DPP10: variants seen among roughly 807,000 people sequenced by gnomAD.
DPP10 encodes the protein inactive dipeptidyl peptidase 10.
A neutral mutation model predicts 120.9 loss-of-function variants in DPP10; 33 were observed. The ratio of observed to expected loss-of-function variants is 0.27; its 90% CI spans 0.21 to 0.37. The LOEUF (loss-of-function observed/expected upper bound fraction) is 0.37. Ranked by LOEUF, DPP10 falls within the 10% of genes least tolerant of loss-of-function variation. The pLI is 1.00. For missense variants in DPP10, 816 were observed against 942.8 expected (o/e 0.87, Z 1.76); for synonymous variants, 337 against 326.1 (o/e 1.03, Z -0.36).
At chr2:115,500,841 A>G (rs1371683412) in intron 4 of DPP10, among the ~76,000 whole-genome samples, 1 of 151,998 alleles carries the variant, frequency 6.6e-6, no homozygotes, top group East Asian at 1.9e-4. Context: ...TTTAATAAAC[A>G]GTATACAGCA....
At chr2:115,777,391 T>A in intron 14 of DPP10, 92 bp downstream of exon 14, 1 of 1,127,354 alleles carries the variant, frequency 8.9e-7, no homozygotes, top group Non-Finnish European at 1.3e-6. Context: ...ACCATAGTCC[T>A]AGTCAAAACA....
At chr2:115,818,528 A>G (rs2150051017) in intron 21 of DPP10, among the ~76,000 whole-genome samples, 1 of 152,334 alleles carries the variant, frequency 6.6e-6, no homozygotes, top group East Asian at 1.9e-4. Context: ...CCTCATGGAA[A>G]AGGGCAACAT....
intron 5 of DPP10, among the ~76,000 whole-genome samples, chr2:115,560,450 C>G (rs1246131948): frequency 6.3e-5 from 4 of 63,276 alleles, no homozygotes; most frequent in African/African-American, 2.3e-4. Context: ...ATATATACGA[C>G]AAGCTACTGA....
At chr2:115,250,245 G>A (rs1354937540) in intron 1 of DPP10, among the ~76,000 whole-genome samples, 1 of 152,116 alleles carries the variant, frequency 6.6e-6, no homozygotes, top group Non-Finnish European at 1.5e-5. Flanking sequence ...GATATTTACT[G>A]AGAGACTGCA....
At chr2:114,690,692 G>C (rs1202473628) in intron 1 of DPP10, among the ~76,000 whole-genome samples, 1 of 152,006 alleles carries the variant, frequency 6.6e-6, no homozygotes, top group Non-Finnish European at 1.5e-5. Context: ...CATTTTCACA[G>C]TATTGATTCT....
In DPP10 at chr2:114,716,665, T is replaced by G. The variant is rs548214303; in HGVS notation, c.60+273827T>G. 2.6e-5 allele frequency among the ~76,000 whole-genome samples: 4 copies of G among 152,364 alleles called. No homozygotes were observed. The East Asian group carries it at 7.7e-4, about 29-fold the overall frequency. On this transcript the variant is annotated intron_variant, in intron 1 of 25. Coordinates refer to ENST00000410059, the MANE Select transcript of DPP10 (RefSeq NM_020868.6). ...AATCTTGATTATGTTCTTAACTGGT[T>G]GATCTTCCTTGTTCAAAAGATAAAG...
chr2:114,834,500 C>T (rs990561098), intron 1 of DPP10, among the ~76,000 whole-genome samples: 21 of 150,690 alleles, frequency 1.4e-4, no homozygotes, highest in South Asian at 2.1e-4. Flanking sequence ...GCCATATCTA[C>T]GCACCTATGT....
intron 1 of DPP10, among the ~76,000 whole-genome samples, chr2:115,021,230 C>A (rs1484331356): frequency 6.6e-6 from 1 of 151,886 alleles, no homozygotes; most frequent in Non-Finnish European, 1.5e-5. Context: ...GAAACAAAAT[C>A]TCGTTCTTTG....
chr2:115,495,111 T>C (rs1246946454), intron 3 of DPP10, among the ~76,000 whole-genome samples: 1 of 151,996 alleles, frequency 6.6e-6, no homozygotes, highest in African/African-American at 2.4e-5. Context: ...AGACAACATT[T>C]TACAAGAGTC....
At chr2:115,095,986 A>G (rs1709710659) in intron 1 of DPP10, among the ~76,000 whole-genome samples, 1 of 152,122 alleles carries the variant, frequency 6.6e-6, no homozygotes, top group Admixed American at 6.6e-5. Context: ...TGTGTTACTT[A>G]ATGTTTGCCA....
intron 21 of DPP10, among the ~76,000 whole-genome samples, chr2:115,818,188 G>A (rs1687458367): frequency 6.6e-6 from 1 of 152,028 alleles, no homozygotes; most frequent in Admixed American, 6.6e-5. Flanking sequence ...TAGGGTTCTT[G>A]GAATTTTTGT....
intron 1 of DPP10, among the ~76,000 whole-genome samples, chr2:115,209,133 C>A (rs765393003): frequency 2.6e-5 from 4 of 151,952 alleles, no homozygotes; most frequent in Non-Finnish European, 4.4e-5. Context: ...AAAAGATATC[C>A]TTTGACTTGA....
chr2:114,664,570 A>C (rs1697749125), intron 1 of DPP10, among the ~76,000 whole-genome samples: 2 of 147,228 alleles, frequency 1.4e-5, no homozygotes, highest in Non-Finnish European at 3.0e-5. Context: ...CGGAGGTTGC[A>C]GTGAGCCGAG....
intron 1 of DPP10, among the ~76,000 whole-genome samples, chr2:115,056,002 A>G (rs1705874082): frequency 1.3e-5 from 2 of 152,378 alleles, no homozygotes; most frequent in South Asian, 4.1e-4. Context: ...GAAATTATAA[A>G]GAATGCAATA....
intron 1 of DPP10, among the ~76,000 whole-genome samples, chr2:114,584,144 C>G (rs1391651200): frequency 6.6e-6 from 1 of 152,256 alleles, no homozygotes; most frequent in Non-Finnish European, 1.5e-5. Context: ...GTATTCTGAG[C>G]ATGCATTTTA....
chr2:114,816,822 G>T lies in DPP10; in HGVS notation c.60+373984G>T, dbSNP rs139158939. ...AGTGATAGGAAGGCAAGAACGCTTG[G>T]GGGTAGTCAGAGGCACAGGAAGATC... On this transcript the variant is annotated intron_variant, in intron 1 of 25. Coordinates refer to ENST00000410059, the MANE Select transcript of DPP10 (RefSeq NM_020868.6). Among the ~76,000 whole-genome samples the T allele has an allele frequency of 3.2e-3, 488 of 152,242 alleles. 5 individuals carry two copies. The highest frequency in any genetic ancestry group is 0.011 in the African/African-American group (466 of 41,550).
At chr2:115,062,136 G>C (rs992436096) in intron 1 of DPP10, among the ~76,000 whole-genome samples, 81 of 103,340 alleles carry the variant, frequency 7.8e-4, no homozygotes, top group African/African-American at 2.5e-3. Context: ...TTCTGTGTGT[G>C]TGTGTGTGTG....
intron 1 of DPP10, among the ~76,000 whole-genome samples, chr2:114,473,649 G>T (rs1680121637): frequency 6.6e-6 from 1 of 152,130 alleles, no homozygotes; most frequent in African/African-American, 2.4e-5. Flanking sequence ...AACAGTCCCA[G>T]ATATTGAACC....
At chr2:114,562,469 C>T (rs937039905) in intron 1 of DPP10, among the ~76,000 whole-genome samples, 1 of 152,086 alleles carries the variant, frequency 6.6e-6, no homozygotes, top group Non-Finnish European at 1.5e-5. Context: ...TATACATTAT[C>T]GAAACATATT....
Sources: allele counts gnomAD v4.1 joint callset (sites outside exome capture counted in the v4.1 genomes callset), GRCh38; gene constraint gnomAD v4.1.1; transcripts MANE v1.5; gene names NCBI Gene and HGNC (gene_info 2026-07-23, HGNC 2026-07-21).